The following FAM163A variants were observed in gnomAD, a reference collection of about 807,000 sequenced individuals.
The protein encoded by FAM163A is protein FAM163A.
In FAM163A, 7 loss-of-function variants were observed where a neutral mutation model predicts 12.0. That is an observed-to-expected ratio of 0.58 (90% CI 0.33 to 1.10). The LOEUF is 1.10. Ranked by LOEUF, FAM163A falls within the 50% of genes least tolerant of loss-of-function variation. FAM163A has a pLI of 0.03. For synonymous variants in FAM163A, 101 were observed against 91.0 expected (o/e 1.11, Z -0.62); for missense variants, 202 against 218.6 (o/e 0.92, Z 0.48).
At chr1:179,800,863 C>T (rs531366078) in intron 1 of FAM163A, among the ~76,000 whole-genome samples, 1 of 152,124 alleles carries the variant, frequency 6.6e-6, no homozygotes, top group Non-Finnish European at 1.5e-5. Context: ...AAGGATGGAA[C>T]GGAAGAGAAG....
chr1:179,813,599 G>A (rs1029813594), intron 4 of FAM163A, among the ~76,000 whole-genome samples, 180 bp from the exon 5 acceptor site: 1 of 152,180 alleles, frequency 6.6e-6, no homozygotes, highest in Non-Finnish European at 1.5e-5. Context: ...AGGGGAAAAG[G>A]AAAGCAGTAC....
rs543752940 is a variant in FAM163A, at chr1:179,804,659, A to G, written c.-135-3139A>G. Among the ~76,000 whole-genome samples, 6 of 152,356 alleles carry G rather than the reference A, an allele frequency of 3.9e-5. No homozygotes were observed. In the East Asian group the frequency reaches 9.6e-4, roughly 24 times the overall value. ...ACAAGATCTTGTCTTTTGCGGGAAC[A>G]TGGATGGAGCTGGAGGCCATTATTC... On this transcript the variant is annotated intron_variant, in intron 1 of 4. Transcript: ENST00000341785.
chr1:179,778,376 G>A (rs535324321), intron 1 of FAM163A, among the ~76,000 whole-genome samples: 2 of 152,110 alleles, frequency 1.3e-5, no homozygotes, highest in Non-Finnish European at 2.9e-5. Context: ...CAGTTCCACC[G>A]ACCCCAAGCA....
the FAM163A span, among the ~76,000 whole-genome samples, chr1:179,731,322 G>C: frequency 2.1e-4 from 32 of 152,318 alleles, no homozygotes; most frequent in African/African-American, 4.1e-4. Context: ...TTTGGATGTG[G>C]AGTAGCAGAG....
intron 1 of FAM163A, among the ~76,000 whole-genome samples, chr1:179,761,613 A>C (rs1383728307): frequency 6.6e-6 from 1 of 152,240 alleles, no homozygotes; most frequent in Non-Finnish European, 1.5e-5. Flanking sequence ...ACTTTGATAC[A>C]GATCACATTC....
At chr1:179,794,515 G>A (rs1691986553) in intron 1 of FAM163A, among the ~76,000 whole-genome samples, 1 of 152,068 alleles carries the variant, frequency 6.6e-6, no homozygotes, top group Admixed American at 6.5e-5. Flanking sequence ...GGCATGCGGT[G>A]GATAGACACA....
intron 1 of FAM163A, among the ~76,000 whole-genome samples, chr1:179,752,801 G>A (rs1437672533): frequency 6.6e-6 from 1 of 152,146 alleles, no homozygotes; most frequent in Non-Finnish European, 1.5e-5. Flanking sequence ...AATAAGAGTT[G>A]GTGAAGATGT....
rs567843684 is a variant in FAM163A, at chr1:179,796,672, C to T, written c.-135-11126C>T. ...AGGTTGGCTACTCTGACCTTTCTAACATATAAACCCAAACAGCATGGTACC... is the reference window on the plus strand; with the variant it reads ...AGGTTGGCTACTCTGACCTTTCTAATATATAAACCCAAACAGCATGGTACC... On this transcript the variant is annotated intron_variant, in intron 1 of 4. Transcript: ENST00000341785. Among the ~76,000 whole-genome samples, 57 of 152,268 alleles carry T rather than the reference C, an allele frequency of 3.7e-4. No individual in the cohort carries two copies. The South Asian group carries it at 0.011, about 30-fold the overall frequency.
At chr1:179,809,806 G>T (rs904152995) in intron 2 of FAM163A, among the ~76,000 whole-genome samples, 2 of 152,178 alleles carry the variant, frequency 1.3e-5, no homozygotes, top group Non-Finnish European at 2.9e-5. Flanking sequence ...AATATGCAGG[G>T]AAGTGGTGAG....
At chr1:179,763,687 G>A (rs1687106109) in intron 1 of FAM163A, among the ~76,000 whole-genome samples, 1 of 152,224 alleles carries the variant, frequency 6.6e-6, no homozygotes, top group Non-Finnish European at 1.5e-5. Context: ...AGGACTATAA[G>A]CTCAGCCTGA....
intron 1 of FAM163A, among the ~76,000 whole-genome samples, chr1:179,788,546 C>T (rs1690970381): frequency 6.6e-6 from 1 of 152,170 alleles, no homozygotes; most frequent in Non-Finnish European, 1.5e-5. Context: ...TGAAGTGGAG[C>T]TTTCGGGTTT....
At chr1:179,737,298 A>G in the FAM163A span, among the ~76,000 whole-genome samples, 2 of 152,246 alleles carry the variant, frequency 1.3e-5, no homozygotes, top group African/African-American at 2.4e-5. Flanking sequence ...TAAGGTATCT[A>G]AAATAGTAAC....
Position 179,765,462 on chromosome 1 carries a change from G to A in FAM163A, c.-136+22039G>A, listed in dbSNP as rs150646474. ...GCCTGTGGGAGTCTAAGTAAAAGAC[G>A]GTAATATTCTTGCCCAGCTGAGGAC... On this transcript the variant is annotated intron_variant, in intron 1 of 4. Coordinates refer to ENST00000341785, the MANE Select transcript of FAM163A (RefSeq NM_173509.3). Among the ~76,000 whole-genome samples, 16 of 152,266 alleles carry A rather than the reference G, an allele frequency of 1.1e-4. No individual in the cohort carries two copies. The East Asian group carries it at 2.1e-3, about 20-fold the overall frequency.
chr1:179,807,677 CA>C (rs1445112299), intron 1 of FAM163A, 120 bp from the exon 2 acceptor site: 2 of 152,454 alleles, frequency 1.3e-5, no homozygotes, highest in African/African-American at 4.8e-5. Context: ...CCTCAAGAAG[CA>C]AACCCCTGGA....
chr1:179,753,777 C>A (rs1253408827), intron 1 of FAM163A, among the ~76,000 whole-genome samples: 2 of 151,992 alleles, frequency 1.3e-5, no homozygotes, highest in Non-Finnish European at 2.9e-5. Flanking sequence ...GTGTGATGAG[C>A]ACTAGGAGAA....
chr1:179,795,667 G>A (rs1456645819), intron 1 of FAM163A, among the ~76,000 whole-genome samples: 4 of 152,158 alleles, frequency 2.6e-5, no homozygotes, highest in Admixed American at 6.5e-5. Context: ...GCAGAAAATA[G>A]GCTAAGACAC....
chr1:179,809,614 A>G (rs1201810533), intron 2 of FAM163A, among the ~76,000 whole-genome samples: 2 of 152,138 alleles, frequency 1.3e-5, no homozygotes, highest in African/African-American at 4.8e-5. Flanking sequence ...GGTCCAGCAC[A>G]GGGGCAGGGA....
chr1:179,797,900 C>T lies in FAM163A; in HGVS notation c.-135-9898C>T, dbSNP rs142058882. Among the ~76,000 whole-genome samples the T allele has an allele frequency of 4.8e-3, 726 of 152,098 alleles. 5 individuals carry two copies. The highest frequency in any genetic ancestry group is 0.01 in the South Asian group (50 of 4,816). On this transcript the variant is annotated intron_variant, in intron 1 of 4. Transcript: ENST00000341785. ...AATAGGAACCATATGTGTTGATGTG[C>T]GGTTGACTTGAGCATGTGTGTGTAT...
intron 1 of FAM163A, among the ~76,000 whole-genome samples, chr1:179,804,309 C>G (rs1157729262): frequency 6.6e-6 from 1 of 152,188 alleles, no homozygotes; most frequent in Non-Finnish European, 1.5e-5. Flanking sequence ...GACACCCTGG[C>G]TCCTGATGAA....
Sources: gnomAD v4.1 joint callset for allele counts (sites outside exome capture counted in the v4.1 genomes callset) on GRCh38, gnomAD v4.1.1 for gene constraint, MANE v1.5 for transcripts, NCBI Gene and HGNC (gene_info 2026-07-23, HGNC 2026-07-21) for gene names.